The following KITLG variants were observed in gnomAD, a reference collection of about 807,000 sequenced individuals.
KITLG encodes the protein c-Kit ligand.
KITLG carries 13 observed loss-of-function variants against 34.1 expected under a neutral mutation model. The ratio of observed to expected loss-of-function variants is 0.38; its 90% CI spans 0.25 to 0.61. KITLG has a LOEUF of 0.61. KITLG is among the 20% of genes least tolerant of loss of function. The probability of loss-of-function intolerance (pLI) is 0.60; values close to 1 mark genes in which losing one functional copy is unlikely to be tolerated. For synonymous variants in KITLG, 110 were observed against 104.0 expected (o/e 1.06, Z -0.35); for missense variants, 292 against 318.9 (o/e 0.92, Z 0.64).
chr12:88,533,952 C>T lies in KITLG; in HGVS notation c.130-1449G>A, dbSNP rs966441702. ...TAATGCCACCTGACACTCATTTCAGCTCTGAACTGAGGCACTTAGTATGGT... is the reference window on the plus strand; with the variant it reads ...TAATGCCACCTGACACTCATTTCAGTTCTGAACTGAGGCACTTAGTATGGT... On this transcript the variant is annotated intron_variant, in intron 2 of 9. Transcript: ENST00000644744. Among the ~76,000 whole-genome samples the T allele has an allele frequency of 1.5e-4, 23 of 152,252 alleles. 1 individual carries two copies. The highest frequency in any genetic ancestry group is 6.8e-3 in the Middle Eastern group (2 of 294).
At chr12:88,563,887 G>A (rs1006997138) in intron 1 of KITLG, among the ~76,000 whole-genome samples, 4 of 152,042 alleles carry the variant, frequency 2.6e-5, no homozygotes, top group African/African-American at 4.8e-5. Flanking sequence ...GCTTGAACCC[G>A]GGAGGCAGAG....
At chr12:88,552,518 A>G (rs1157043660) in intron 1 of KITLG, among the ~76,000 whole-genome samples, 1 of 152,052 alleles carries the variant, frequency 6.6e-6, no homozygotes, top group East Asian at 1.9e-4. Flanking sequence ...AATTTATTAC[A>G]GCAGCAATAG....
chr12:88,505,512 C>T (rs1203885365), intron 8 of KITLG, among the ~76,000 whole-genome samples: 1 of 152,044 alleles, frequency 6.6e-6, no homozygotes, highest in Admixed American at 6.6e-5. Flanking sequence ...TCTGTGTATA[C>T]ATACAGGCAT....
At chr12:88,554,132 T>C (rs1409251194) in intron 1 of KITLG, among the ~76,000 whole-genome samples, 1 of 152,144 alleles carries the variant, frequency 6.6e-6, no homozygotes, top group Non-Finnish European at 1.5e-5. Flanking sequence ...TGAACGTGTG[T>C]TGCAACACAT....
chr12:88,502,574 C>A (rs1566017463), intron 9 of KITLG, among the ~76,000 whole-genome samples: 1 of 152,178 alleles, frequency 6.6e-6, no homozygotes, highest in Non-Finnish European at 1.5e-5. Context: ...AGACCTAACT[C>A]TTTTCTTGGA....
chr12:88,565,428 C>T (rs1871412034), intron 1 of KITLG, among the ~76,000 whole-genome samples: 1 of 152,062 alleles, frequency 6.6e-6, no homozygotes, highest in African/African-American at 2.4e-5. Context: ...AGATCGAGAC[C>T]ATCCTGGCCA....
At chr12:88,563,890 A>C (rs577189049) in intron 1 of KITLG, among the ~76,000 whole-genome samples, 7 of 152,196 alleles carry the variant, frequency 4.6e-5, no homozygotes, top group African/African-American at 1.7e-4. Context: ...TGAACCCGGG[A>C]GGCAGAGGTT....
chr12:88,522,449 GA>G (rs1343955431), intron 3 of KITLG, among the ~76,000 whole-genome samples: 3 of 115,822 alleles, frequency 2.6e-5, no homozygotes, highest in Non-Finnish European at 5.1e-5. Context: ...TTTTTTTTGA[GA>G]CAGTCTTGCT....
chr12:88,502,907 G>GA (rs11412362), intron 9 of KITLG, among the ~76,000 whole-genome samples: 138,816 of 149,492 alleles, frequency 0.93, 64,537 homozygotes, highest in East Asian at 0.96. Flanking sequence ...GAAAAGGAAG[G>GA]AAAAAAAAAA....
At chr12:88,524,586 TTTTA>T (rs1869795763) in intron 3 of KITLG, among the ~76,000 whole-genome samples, 1 of 152,038 alleles carries the variant, frequency 6.6e-6, no homozygotes, top group Non-Finnish European at 1.5e-5. Flanking sequence ...AGCTGCTCGT[TTTTA>T]TTTATTTTTT....
At chr12:88,510,012 G>T (rs1466706268) in intron 6 of KITLG, among the ~76,000 whole-genome samples, 1 of 152,060 alleles carries the variant, frequency 6.6e-6, no homozygotes, top group Non-Finnish European at 1.5e-5. Flanking sequence ...AAGCTCATCT[G>T]GGCCGGATTT....
At chr12:88,555,084 A>AAG (rs1436827591) in intron 1 of KITLG, among the ~76,000 whole-genome samples, 1 of 152,164 alleles carries the variant, frequency 6.6e-6, no homozygotes, top group East Asian at 1.9e-4. Context: ...ACAAAAAAAA[A>AAG]CTAGAAAGAA....
intron 3 of KITLG, among the ~76,000 whole-genome samples, chr12:88,525,232 A>G (rs1167484268): frequency 1.3e-5 from 2 of 152,212 alleles, no homozygotes; most frequent in Admixed American, 6.5e-5. Flanking sequence ...ATAGTTTCCA[A>G]TCCTGGTTCC....
chr12:88,508,595 G>C (rs73439012), intron 6 of KITLG, among the ~76,000 whole-genome samples: 1,519 of 151,766 alleles, frequency 0.01, 33 homozygotes, highest in African/African-American at 0.035. Context: ...TGGGGGAGGA[G>C]ACAGTGAGGG....
At chr12:88,573,294 C>T (rs975629333) in intron 1 of KITLG, among the ~76,000 whole-genome samples, 3 of 152,174 alleles carry the variant, frequency 2.0e-5, no homozygotes, top group Admixed American at 2.0e-4. Flanking sequence ...TTCTCTGTCA[C>T]ACTCTTCTTG....
At position 88,529,311 on chromosome 12, in the gene KITLG, T is replaced by C. The variant is rs538206933; in HGVS notation, c.192+3130A>G. ...TCTACAATAACATTACCAGTAAATG[T>C]AAAAGACCAGAAATATCCAGGTATT... On this transcript the variant is annotated intron_variant, in intron 3 of 9. Coordinates refer to ENST00000644744, the MANE Select transcript of KITLG (RefSeq NM_000899.5). Among the ~76,000 whole-genome samples, 6 of 152,318 alleles carry C rather than the reference T, an allele frequency of 3.9e-5. No individual in the cohort carries two copies. The South Asian group carries it at 1.2e-3, about 32-fold the overall frequency.
At chr12:88,508,175 A>G (rs1440666669) in intron 6 of KITLG, among the ~76,000 whole-genome samples, 1 of 152,094 alleles carries the variant, frequency 6.6e-6, no homozygotes, top group Non-Finnish European at 1.5e-5. Context: ...CAACAGAGCA[A>G]GACTCTGTCT....
intron 2 of KITLG, among the ~76,000 whole-genome samples, chr12:88,534,075 G>A (rs941570226): frequency 4.6e-4 from 70 of 152,124 alleles, no homozygotes; most frequent in African/African-American, 8.7e-4. Context: ...CTATGGGCTT[G>A]GGCTGCATTA....
intron 3 of KITLG, among the ~76,000 whole-genome samples, chr12:88,525,395 T>C (rs117334710): frequency 2.0e-5 from 3 of 152,196 alleles, no homozygotes; most frequent in African/African-American, 7.2e-5. Context: ...CTAGCATTTT[T>C]GCCAAGAGTT....
Sources: gnomAD v4.1 joint callset for allele counts (sites outside exome capture counted in the v4.1 genomes callset) on GRCh38, gnomAD v4.1.1 for gene constraint, MANE v1.5 for transcripts, NCBI Gene and HGNC (gene_info 2026-07-23, HGNC 2026-07-21) for gene names.